Variants in XPR1 observed in about 807,000 individuals in gnomAD.
XPR1 encodes solute carrier family 53 member 1.
In XPR1, 28 loss-of-function variants were observed where a neutral mutation model predicts 87.5. The ratio of observed to expected loss-of-function variants is 0.32; its 90% CI spans 0.24 to 0.44. The LOEUF (loss-of-function observed/expected upper bound fraction) is 0.44. Ranked by LOEUF, XPR1 falls within the 20% of genes least tolerant of loss-of-function variation. The pLI, the probability that XPR1 is intolerant of heterozygous loss-of-function variation, is 1.00. For synonymous variants in XPR1, 300 were observed against 306.1 expected (o/e 0.98, Z 0.21); for missense variants, 559 against 862.3 (o/e 0.65, Z 4.41).
At chr1:180,766,373 T>C (rs1364168781) in intron 2 of XPR1, among the ~76,000 whole-genome samples, 3 of 152,170 alleles carry the variant, frequency 2.0e-5, no homozygotes, top group African/African-American at 2.4e-5. Flanking sequence ...TATTTTGATG[T>C]CATTAAGGAA....
At chr1:180,726,046 G>A (rs748039524) in intron 2 of XPR1, among the ~76,000 whole-genome samples, 1 of 152,180 alleles carries the variant, frequency 6.6e-6, no homozygotes, top group Non-Finnish European at 1.5e-5. Context: ...GGGTTGAGTG[G>A]GGACTTGGAG....
chr1:180,705,398 C>A (rs1490741413), intron 2 of XPR1, among the ~76,000 whole-genome samples: 1 of 152,098 alleles, frequency 6.6e-6, no homozygotes, highest in Non-Finnish European at 1.5e-5. Context: ...TACCCTAATG[C>A]ACATGAATTT....
At chr1:180,702,302 T>C (rs1210711757) in intron 2 of XPR1, among the ~76,000 whole-genome samples, 6 of 129,220 alleles carry the variant, frequency 4.6e-5, no homozygotes, top group Non-Finnish European at 3.2e-5. Context: ...GTCTGAGAGA[T>C]AGTTTGTTAT....
chr1:180,683,111 A>G (rs867438227), intron 2 of XPR1, among the ~76,000 whole-genome samples: 64 of 140,106 alleles, frequency 4.6e-4, no homozygotes, highest in African/African-American at 1.4e-3. Context: ...TCCTAATGCT[A>G]TCCCTCCCCC....
chr1:180,721,786 T>G (rs1658186946), intron 2 of XPR1, among the ~76,000 whole-genome samples: 1 of 152,188 alleles, frequency 6.6e-6, no homozygotes, highest in Non-Finnish European at 1.5e-5. Context: ...AGTAACCACT[T>G]CCACTTAATT....
chr1:180,640,353 C>T (rs946123467), intron 1 of XPR1, among the ~76,000 whole-genome samples: 2 of 152,074 alleles, frequency 1.3e-5, no homozygotes, highest in Non-Finnish European at 2.9e-5. Flanking sequence ...CCTCTTATAG[C>T]GTAGGTTGTT....
chr1:180,698,658 A>G (rs1657249156), intron 2 of XPR1, among the ~76,000 whole-genome samples: 1 of 152,136 alleles, frequency 6.6e-6, no homozygotes, highest in Non-Finnish European at 1.5e-5. Flanking sequence ...TAGCTTTCAG[A>G]TGTAGAATTC....
intron 2 of XPR1, among the ~76,000 whole-genome samples, chr1:180,718,559 C>T (rs145749027): frequency 3.9e-3 from 599 of 152,126 alleles, no homozygotes; most frequent in Admixed American, 0.01. Flanking sequence ...TGATTCATAA[C>T]TGTGGTTGCA....
intron 11 of XPR1, among the ~76,000 whole-genome samples, chr1:180,859,872 T>C (rs1397569064): frequency 2.0e-5 from 3 of 152,104 alleles, no homozygotes; most frequent in Non-Finnish European, 4.4e-5. Flanking sequence ...AATTTTAAAG[T>C]TGTGAATAAA....
At chr1:180,703,068 A>G (rs576455747) in intron 2 of XPR1, among the ~76,000 whole-genome samples, 5 of 152,180 alleles carry the variant, frequency 3.3e-5, no homozygotes, top group African/African-American at 1.2e-4. Context: ...AGTGGTATCT[A>G]TGAGTTTCTC....
intron 1 of XPR1, among the ~76,000 whole-genome samples, chr1:180,677,057 G>T (rs1444553393): frequency 6.6e-6 from 1 of 152,112 alleles, no homozygotes; most frequent in Non-Finnish European, 1.5e-5. Flanking sequence ...CATTAGCTGG[G>T]TGTCCAACAA....
At chr1:180,855,806 A>T (rs1283744028) in intron 11 of XPR1, among the ~76,000 whole-genome samples, 1 of 152,104 alleles carries the variant, frequency 6.6e-6, no homozygotes, top group East Asian at 1.9e-4. Flanking sequence ...GGCTATCAGG[A>T]ATCATTTTCC....
chr1:180,737,702 A>G (rs1398191596), intron 2 of XPR1, among the ~76,000 whole-genome samples: 1 of 152,236 alleles, frequency 6.6e-6, no homozygotes, highest in Non-Finnish European at 1.5e-5. Flanking sequence ...AAATAGAATA[A>G]TACAGTATGT....
intron 2 of XPR1, among the ~76,000 whole-genome samples, chr1:180,704,814 GTTTT>G (rs567903048): frequency 1.2e-4 from 6 of 51,942 alleles, no homozygotes; most frequent in African/African-American, 3.7e-4. Context: ...ACTGTTGGTT[GTTTT>G]TTTTTTTTTT....
At chr1:180,714,142 A>C (rs1415036915) in intron 2 of XPR1, among the ~76,000 whole-genome samples, 1 of 152,148 alleles carries the variant, frequency 6.6e-6, no homozygotes, top group Non-Finnish European at 1.5e-5. Context: ...AGTTATTTAT[A>C]ATATTTCCTT....
At chr1:180,787,530 C>T (rs1271008210) in intron 2 of XPR1, among the ~76,000 whole-genome samples, 2 of 152,180 alleles carry the variant, frequency 1.3e-5, no homozygotes, top group African/African-American at 4.8e-5. Flanking sequence ...CTGCCCGCCT[C>T]GGCCTCCCGA....
intron 2 of XPR1, among the ~76,000 whole-genome samples, chr1:180,692,897 CCTTT>C (rs1200622426): frequency 3.3e-5 from 5 of 152,072 alleles, no homozygotes; most frequent in Non-Finnish European, 5.9e-5. Flanking sequence ...GGTTTATAAT[CCTTT>C]CTTTGTGACA....
chr1:180,720,012 T>G (rs1658126583), intron 2 of XPR1, among the ~76,000 whole-genome samples: 1 of 152,192 alleles, frequency 6.6e-6, no homozygotes, highest in Non-Finnish European at 1.5e-5. Context: ...TTTTAGCATC[T>G]TTCTAATTTT....
chr1:180,760,664 A>G (rs1265367133), intron 2 of XPR1, among the ~76,000 whole-genome samples: 1 of 152,198 alleles, frequency 6.6e-6, no homozygotes, highest in Non-Finnish European at 1.5e-5. Context: ...AGGAAGAATC[A>G]ATATCGTGAA....
Sources: allele counts gnomAD v4.1 joint callset (sites outside exome capture counted in the v4.1 genomes callset), GRCh38; gene constraint gnomAD v4.1.1; transcripts MANE v1.5; gene names NCBI Gene and HGNC (gene_info 2026-07-23, HGNC 2026-07-21).